Variants in RBM33 observed in about 807,000 individuals in gnomAD.
RBM33 encodes the protein RNA-binding protein 33.
A neutral mutation model predicts 132.6 loss-of-function variants in RBM33; 28 were observed. The observed-to-expected ratio is 0.21, with a 90% CI of 0.16 to 0.29. The LOEUF is 0.29. Ranked by LOEUF, RBM33 falls within the 10% of genes least tolerant of loss-of-function variation. The pLI is 1.00. For synonymous variants in RBM33, 634 were observed against 593.0 expected, an observed-to-expected ratio of 1.07 and a Z score of -1.01; for missense variants, 1,291 against 1,518.5, an observed-to-expected ratio of 0.85 and a Z score of 2.49.
At chr7:155,759,264 A>G (rs1801949452) in intron 14 of RBM33, among the ~76,000 whole-genome samples, 1 of 152,222 alleles carries the variant, frequency 6.6e-6, no homozygotes, top group African/African-American at 2.4e-5. Flanking sequence ...ACTTTCCTTC[A>G]ATGGAAAATA....
At chr7:155,691,644 A>G (rs1335974471) in intron 5 of RBM33, among the ~76,000 whole-genome samples, 1 of 152,222 alleles carries the variant, frequency 6.6e-6, no homozygotes, top group East Asian at 1.9e-4. Flanking sequence ...AAGAATGTTA[A>G]CAAGTATTAT....
chr7:155,687,664 G>A (rs899593723), intron 5 of RBM33, among the ~76,000 whole-genome samples: 2 of 152,170 alleles, frequency 1.3e-5, no homozygotes, highest in Admixed American at 6.5e-5. Context: ...TAAGGTGTAA[G>A]GAAGGGATCC....
chr7:155,706,980 G>T lies in RBM33; in HGVS notation c.860G>T (p.Gly287Val). 1 of 1,596,430 alleles carries T rather than the reference G, an allele frequency of 6.3e-7. No homozygotes were observed. Among genetic ancestry groups the T allele is most frequent in the Non-Finnish European group, 8.5e-7 (1 of 1,171,580 alleles). ...CGAGGAGGTCCGCTGATGTGTCGTG[G>T]TGTGGGGGACCAGAGGAGAGAGAGC... is the stretch of plus-strand genomic sequence containing the variant. ...GRRGGPLMCR[G>V]VGDQRRESTE... The change falls in exon 7 of 18, where the codon GGT (glycine) becomes GTT (valine). Residue 287 changes from glycine to valine, a missense_variant. This residue lies in a region of RBM33 where 146 missense variants were observed against 137.1 expected (regional missense o/e 1.07). Coordinates refer to ENST00000401878, the MANE Select transcript of RBM33 (RefSeq NM_053043.3).
At chr7:155,645,210 G>A in intron 1 of RBM33, 1 of 353,212 alleles carries the variant, frequency 2.8e-6, no homozygotes, top group Middle Eastern at 7.2e-4. Flanking sequence ...GGCATTAAGT[G>A]CCGAAGCCGG....
chr7:155,703,130 G>T (rs1381109696), intron 6 of RBM33, among the ~76,000 whole-genome samples: 1 of 152,136 alleles, frequency 6.6e-6, no homozygotes, highest in East Asian at 1.9e-4. Flanking sequence ...TGCAGTGATG[G>T]CCAGCTTGCA....
At chr7:155,684,836 A>G in intron 5 of RBM33, 1 of 1,356,232 alleles carries the variant, frequency 7.4e-7, no homozygotes, top group South Asian at 1.5e-5. Flanking sequence ...AAAACTTTCT[A>G]CAATTATTAA....
intron 7 of RBM33, among the ~76,000 whole-genome samples, chr7:155,708,359 C>T (rs756311999): frequency 2.6e-5 from 4 of 152,156 alleles, no homozygotes; most frequent in African/African-American, 4.8e-5. Flanking sequence ...TCCCTGTCTC[C>T]GCCGCAAACC....
chr7:155,686,523 A>G (rs1268032144), intron 5 of RBM33, among the ~76,000 whole-genome samples: 2 of 151,346 alleles, frequency 1.3e-5, no homozygotes, highest in Non-Finnish European at 2.9e-5. Context: ...GTACATGTGC[A>G]TAACGTGCGG....
chr7:155,667,713 G>A (rs1406841120), intron 2 of RBM33, among the ~76,000 whole-genome samples: 1 of 152,094 alleles, frequency 6.6e-6, no homozygotes, highest in Non-Finnish European at 1.5e-5. Flanking sequence ...CAGGAAATTG[G>A]TTTGTGCTTT....
chr7:155,768,942 C>T (rs1217238690), intron 16 of RBM33, among the ~76,000 whole-genome samples: 2 of 152,164 alleles, frequency 1.3e-5, no homozygotes, highest in African/African-American at 2.4e-5. Flanking sequence ...ACTTTTTAAA[C>T]CCATGGAATT....
chr7:155,701,016 A>G, intron 6 of RBM33, 72 bp downstream of exon 6: 1 of 1,343,958 alleles, frequency 7.4e-7, no homozygotes, highest in East Asian at 2.4e-5. Context: ...GCTGTAATTA[A>G]TCAAAGTAGG....
rs1436263085 is a variant in RBM33 at position 155,693,043 on chromosome 7, CT to C, written c.568-7729del. On this transcript the variant is annotated intron_variant, in intron 5 of 17. Coordinates refer to ENST00000401878, the MANE Select transcript of RBM33 (RefSeq NM_053043.3). Reference sequence around the variant, plus strand: ...ATAGAATTCTTCCCTTCAGCTCCCCCTGTAACTGCAAATCTAAATATGTGTG... The same window carrying C: ...ATAGAATTCTTCCCTTCAGCTCCCCCGTAACTGCAAATCTAAATATGTGTG... Among the ~76,000 whole-genome samples the C allele has an allele frequency of 3.9e-5, 6 of 152,234 alleles. No homozygotes were observed. The South Asian group carries it at 1.2e-3, about 32-fold the overall frequency.
In RBM33 at chr7:155,707,023, G is replaced by C. The variant is rs752436929; in HGVS notation, c.903G>C (p.Met301Ile). Residue 301 changes from methionine to isoleucine, a missense_variant, in exon 7 of 18, where the codon ATG (methionine) becomes ATC (isoleucine). Met to Ile is a conservative substitution (Grantham distance 10). Around this residue, in one of 7 missense-constraint regions of RBM33, gnomAD observed 146 missense variants for 137.1 expected, o/e 1.07. Transcript: ENST00000401878. ...QRRESTERGRMKDHRPALLPT... is the reference protein window; with the variant it reads ...QRRESTERGRIKDHRPALLPT... Reference sequence around the variant, plus strand: ...GAGAGAGCACCGAGAGGGGCAGGATGAAGGACCACAGACCTGCGCTGCTTC... The same window carrying C: ...GAGAGAGCACCGAGAGGGGCAGGATCAAGGACCACAGACCTGCGCTGCTTC... 6.3e-7 allele frequency: 1 copy of C among 1,576,082 alleles called. No individual in the cohort carries two copies. Among genetic ancestry groups the C allele is most frequent in the Admixed American group, 1.9e-5 (1 of 53,716 alleles).
intron 16 of RBM33, among the ~76,000 whole-genome samples, chr7:155,768,265 T>C (rs1015954196): frequency 9.9e-5 from 15 of 152,246 alleles, no homozygotes; most frequent in African/African-American, 3.6e-4. Context: ...TGAGTGAGGC[T>C]CAGAGCCTAC....
rs752196820 is a variant in RBM33 at position 155,662,160 on chromosome 7, C to T, written c.44-3015C>T. On this transcript the variant is annotated intron_variant, in intron 1 of 17. Transcript: ENST00000401878. ...CCAAGGATTACCCTGGGATGGTTGT[C>T]ATGGCTTTGATTGTCTCTCTCTGAG... Among the ~76,000 whole-genome samples the T allele has an allele frequency of 2.0e-5, 3 of 152,096 alleles. No homozygotes were observed. The East Asian group carries it at 5.8e-4, about 29-fold the overall frequency.
At chr7:155,708,101 C>T (rs113490231) in intron 7 of RBM33, among the ~76,000 whole-genome samples, 145 of 152,292 alleles carry the variant, frequency 9.5e-4, no homozygotes, top group African/African-American at 3.1e-3. Context: ...TTAGAGAAAA[C>T]GACATTTCAC....
intron 1 of RBM33, among the ~76,000 whole-genome samples, chr7:155,645,730 T>C (rs1221749514): frequency 3.3e-5 from 5 of 152,216 alleles, no homozygotes; most frequent in Non-Finnish European, 7.3e-5. Flanking sequence ...TTGAAAACTT[T>C]GAAAAGATGG....
In RBM33 at chr7:155,745,726, C is replaced by A; in HGVS notation, c.2979+124C>A. On this transcript the variant is annotated intron_variant, in intron 14 of 17. Transcript: ENST00000401878. This position sits in a 1 kb window ranked among gnomAD's most constrained non-coding sequence, Gnocchi z 4.1. ...CCTCTGTTATAGTCTTGTAACCAAT[C>A]TCTACCTACTTGAAGTTGGTATAAG... The A allele has an allele frequency of 1.1e-6, 1 of 942,446 alleles. No individual in the cohort carries two copies. Among genetic ancestry groups the A allele is most frequent in the Non-Finnish European group, 1.6e-6 (1 of 641,450 alleles). 58.4% of individuals were successfully genotyped at this position (942,446 alleles called of 1,614,324 possible).
At chr7:155,658,044 G>T (rs1476193940) in intron 1 of RBM33, among the ~76,000 whole-genome samples, 1 of 152,062 alleles carries the variant, frequency 6.6e-6, no homozygotes, top group Non-Finnish European at 1.5e-5. Flanking sequence ...TTTCATATTT[G>T]TTGAAAGTGG....
Sources: gnomAD v4.1 joint callset for allele counts (sites outside exome capture counted in the v4.1 genomes callset) on GRCh38, gnomAD v4.1.1 for gene constraint, gnomAD v4.1.1 regional missense constraint, Gnocchi (gnomAD v3.1) non-coding constraint, MANE v1.5 for transcripts, NCBI Gene and HGNC (gene_info 2026-07-23, HGNC 2026-07-21) for gene names.